The following P2RY10 variants were observed in gnomAD, a reference collection of about 807,000 sequenced individuals.
The protein encoded by P2RY10 is P2Y receptor family member 10.
A neutral mutation model predicts 12.1 loss-of-function variants in P2RY10; 4 were observed. The ratio of observed to expected loss-of-function variants is 0.33; its 90% CI spans 0.16 to 0.76. The LOEUF is 0.76. Ranked by LOEUF, P2RY10 falls within the 30% of genes least tolerant of loss-of-function variation. The probability of loss-of-function intolerance (pLI) is 0.61; values close to 1 mark genes in which losing one functional copy is unlikely to be tolerated. For missense variants in P2RY10, 233 were observed against 264.6 expected, an observed-to-expected ratio of 0.88 and a Z score of 0.83; for synonymous variants, 112 against 94.1, an observed-to-expected ratio of 1.19 and a Z score of -1.10.
chrX:78,956,728 A>G (rs1337240471), intron 3 of P2RY10, among the ~76,000 whole-genome samples: 4 of 111,602 alleles, frequency 3.6e-5, no homozygotes, highest in African/African-American at 1.3e-4. Context: ...AAAAGGAACC[A>G]GAGATGTGAA....
chrX:78,950,497 A>T (rs1051572910), intron 2 of P2RY10, among the ~76,000 whole-genome samples: 2 of 111,756 alleles, frequency 1.8e-5, no homozygotes, highest in Non-Finnish European at 3.8e-5. Flanking sequence ...AGTCTTCTGT[A>T]TCCTACAGCA....
At chrX:78,948,578 G>A (rs1010921139) in intron 2 of P2RY10, among the ~76,000 whole-genome samples, 1 of 111,377 alleles carries the variant, frequency 9.0e-6, no homozygotes, top group African/African-American at 3.3e-5. Context: ...AGTAGTGCAC[G>A]TTGTACCTAA....
At chrX:78,960,209 T>C (rs1404639817) in intron 3 of P2RY10, among the ~76,000 whole-genome samples, 5 of 112,302 alleles carry the variant, frequency 4.5e-5, no homozygotes, top group Non-Finnish European at 7.5e-5. Flanking sequence ...TTCTATGCTG[T>C]TTTTGCTGTG....
rs1189537201 is a variant in P2RY10, at chrX:78,961,477, T to C, written c.957T>C (p.His319=). Residue 319 remains histidine, a synonymous_variant, in exon 4 of 4, where the codon CAT becomes CAC. Transcript: ENST00000171757. Reference sequence around the variant, plus strand: ...AGTTTCGTGACCAACTATCCCGCCATGGCAGTTCTGTGACCCGCTCCCGCC... The same window carrying C: ...AGTTTCGTGACCAACTATCCCGCCACGGCAGTTCTGTGACCCGCTCCCGCC... ...ASEFRDQLSR[H]GSSVTRSRLM... is the part of the protein sequence containing the mutation. The C allele has an allele frequency of 8.3e-7, 1 of 1,208,994 alleles. No homozygotes were observed. The highest frequency in any genetic ancestry group is 1.8e-5 in the African/African-American group (1 of 57,032).
chrX:78,952,829 A>G (rs370185612), intron 3 of P2RY10, among the ~76,000 whole-genome samples: 1 of 112,034 alleles, frequency 8.9e-6, no homozygotes, highest in Non-Finnish European at 1.9e-5. Flanking sequence ...TTCTCACCTA[A>G]TAATCTCAAT....
chrX:78,952,406 G>A (rs185675046), intron 3 of P2RY10, 71 bp downstream of exon 3: 5 of 621,806 alleles, frequency 8.0e-6, no homozygotes, highest in East Asian at 1.6e-4. Context: ...CCTCTTTCTG[G>A]GTAATTCAAA....
intron 3 of P2RY10, among the ~76,000 whole-genome samples, chrX:78,954,879 C>G: frequency 9.0e-6 from 1 of 111,570 alleles, no homozygotes; most frequent in Non-Finnish European, 1.9e-5. Flanking sequence ...TTGACCTCAC[C>G]TTTGAAAGGT....
intron 3 of P2RY10, among the ~76,000 whole-genome samples, chrX:78,957,891 G>T (rs570804932): frequency 8.9e-6 from 1 of 112,550 alleles, no homozygotes; most frequent in Admixed American, 9.4e-5. Context: ...TTTTGTAAGT[G>T]AAACTTTCTG....
chrX:78,959,030 CTTACT>C (rs1922475893), intron 3 of P2RY10, among the ~76,000 whole-genome samples: 2 of 59,174 alleles, frequency 3.4e-5, no homozygotes, highest in African/African-American at 1.3e-4. Flanking sequence ...TTTTTGTAAA[CTTACT>C]TTAAACAAAA....
At chrX:78,953,968 G>A (rs1347305618) in intron 3 of P2RY10, among the ~76,000 whole-genome samples, 1 of 111,998 alleles carries the variant, frequency 8.9e-6, no homozygotes, top group Non-Finnish European at 1.9e-5. Flanking sequence ...CGGCTCAAGC[G>A]ATCCTCCCAC....
intron 3 of P2RY10, among the ~76,000 whole-genome samples, chrX:78,954,560 A>G (rs1463673106): frequency 8.9e-6 from 1 of 112,150 alleles, no homozygotes; most frequent in Non-Finnish European, 1.9e-5. Context: ...CATTCTATGC[A>G]GGCTTTATTT....
intron 2 of P2RY10, among the ~76,000 whole-genome samples, chrX:78,949,143 G>C (rs946769057): frequency 9.0e-6 from 1 of 111,158 alleles, no homozygotes; most frequent in Admixed American, 9.5e-5. Flanking sequence ...GACGATTAGT[G>C]ATGTGGAGCA....
Position 78,961,354 on chromosome X carries a change from C to T in P2RY10, c.834C>T (p.Pro278=), listed in dbSNP as rs142310688. The T allele has an allele frequency of 8.9e-4, 1,077 of 1,209,103 alleles. 1 individual carries two copies. The highest frequency in any genetic ancestry group is 1.1e-3 in the Non-Finnish European group (978 of 894,736). The part of the protein sequence containing the change: ...MVKETIISSC[P]VVRIALYFHP... Reference sequence around the variant, plus strand: ...AGGAAACCATCATTAGCAGTTGTCCCGTTGTCCGAATCGCACTGTATTTCC... The same window carrying T: ...AGGAAACCATCATTAGCAGTTGTCCTGTTGTCCGAATCGCACTGTATTTCC... Residue 278 remains proline (P), a synonymous_variant, in exon 4 of 4, where the codon CCC becomes CCT. Transcript: ENST00000171757.
chrX:78,952,002 G>A (rs1245928558), intron 2 of P2RY10, among the ~76,000 whole-genome samples, 191 bp from the exon 3 acceptor site: 4 of 111,748 alleles, frequency 3.6e-5, no homozygotes, highest in African/African-American at 9.8e-5. Flanking sequence ...ACTTATAAGT[G>A]AGAACATGTG....
intron 3 of P2RY10, among the ~76,000 whole-genome samples, chrX:78,955,324 A>T (rs1922286924): frequency 8.9e-6 from 1 of 111,929 alleles, no homozygotes; most frequent in Non-Finnish European, 1.9e-5. Flanking sequence ...CATGAGGCAG[A>T]TTGATTAACA....
intron 1 of P2RY10, among the ~76,000 whole-genome samples, chrX:78,947,139 C>T (rs369057880): frequency 2.5e-4 from 27 of 109,942 alleles, no homozygotes; most frequent in South Asian, 8.1e-4. Flanking sequence ...CGCTCGAAAC[C>T]GAGAGATGGA....
chrX:78,946,701 G>A (rs901978724), intron 1 of P2RY10, among the ~76,000 whole-genome samples: 9 of 112,403 alleles, frequency 8.0e-5, no homozygotes, highest in Non-Finnish European at 1.7e-4. Flanking sequence ...GGAAAATGGT[G>A]TAAACTACAG....
At position 78,960,594 on chromosome X, in the gene P2RY10, G is replaced by A; in HGVS notation, c.74G>A (p.Cys25Tyr). 1 of 1,207,638 alleles carries A rather than the reference G, an allele frequency of 8.3e-7. No homozygotes were observed. The change falls in exon 4 of 4, where the codon TGT (cysteine) becomes TAT (tyrosine). Residue 25 changes from cysteine (C) to tyrosine (Y), a missense_variant. Physicochemically the swap from Cys to Tyr is radical, Grantham distance 194 (BLOSUM62 -2). Transcript: ENST00000171757. ...SNSTSTAEIY[C>Y]NVTNVKFQYS... ...AGTACCAGCACTGCTGAGATTTACTGTAATGTCACTAATGTGAAATTTCAA... is the reference window on the plus strand; with the variant it reads ...AGTACCAGCACTGCTGAGATTTACTATAATGTCACTAATGTGAAATTTCAA...
chrX:78,949,872 A>G (rs1193982918), intron 2 of P2RY10, among the ~76,000 whole-genome samples: 3 of 111,762 alleles, frequency 2.7e-5, no homozygotes, highest in African/African-American at 9.8e-5. Flanking sequence ...CGGCTGAATG[A>G]AGAACACCGG....
Sources: gnomAD v4.1 joint callset for allele counts (sites outside exome capture counted in the v4.1 genomes callset) on GRCh38, gnomAD v4.1.1 for gene constraint, MANE v1.5 for transcripts, NCBI Gene and HGNC (gene_info 2026-07-23, HGNC 2026-07-21) for gene names.